Variants in LATS1 observed in about 807,000 individuals in gnomAD.
The protein encoded by LATS1 is serine/threonine-protein kinase LATS1.
LATS1 carries 25 observed loss-of-function variants against 106.6 expected under a neutral mutation model. The observed-to-expected ratio is 0.23, with a 90% CI of 0.17 to 0.33. The LOEUF (loss-of-function observed/expected upper bound fraction) is 0.33, where lower values mean the gene tolerates loss of function less well. Ranked by LOEUF, LATS1 falls within the 10% of genes least tolerant of loss-of-function variation. LATS1 has a pLI of 1.00. For missense variants in LATS1, 1,040 were observed against 1,382.6 expected, an observed-to-expected ratio of 0.75 and a Z score of 3.93; for synonymous variants, 465 against 455.6, an observed-to-expected ratio of 1.02 and a Z score of -0.26.
intron 1 of LATS1, among the ~76,000 whole-genome samples, chr6:149,712,803 G>A (rs1250455296): frequency 6.6e-6 from 1 of 152,102 alleles, no homozygotes; most frequent in Non-Finnish European, 1.5e-5. Flanking sequence ...AGACTAGCCT[G>A]GGAAACAAAG....
intron 1 of LATS1, among the ~76,000 whole-genome samples, chr6:149,712,894 C>T (rs1784183805): frequency 6.6e-6 from 1 of 152,028 alleles, no homozygotes; most frequent in South Asian, 2.1e-4. Flanking sequence ...ACTGGAGAGA[C>T]TGAGGTGGGT....
rs200262448 is a variant in LATS1 at position 149,699,020 on chromosome 6, G to T, written c.348+2759C>A. On this transcript the variant is annotated intron_variant, in intron 2 of 7. Transcript: ENST00000543571. Reference sequence around the variant, plus strand: ...TGAGAAAATTAATCTTGAAATATTTGAGCTTTTCATTTTACAGGGTCACCA... The same window carrying T: ...TGAGAAAATTAATCTTGAAATATTTTAGCTTTTCATTTTACAGGGTCACCA... Among the ~76,000 whole-genome samples, 10 of 150,714 alleles carry T rather than the reference G, an allele frequency of 6.6e-5. No individual in the cohort carries two copies. In the East Asian group the frequency reaches 2.0e-3, roughly 29 times the overall value.
chr6:149,662,523 C>T (rs563419336), intron 7 of LATS1, among the ~76,000 whole-genome samples: 1 of 152,186 alleles, frequency 6.6e-6, no homozygotes, highest in African/African-American at 2.4e-5. Flanking sequence ...TTATTTCTAT[C>T]ATATTTCTAA....
At chr6:149,696,231 G>C (rs1258374423) in intron 2 of LATS1, among the ~76,000 whole-genome samples, 1 of 149,518 alleles carries the variant, frequency 6.7e-6, no homozygotes, top group Non-Finnish European at 1.5e-5. Context: ...TAAACAATCA[G>C]AGACTATCAG....
At chr6:149,715,328 C>T (rs779772645) in intron 1 of LATS1, among the ~76,000 whole-genome samples, 28 of 152,168 alleles carry the variant, frequency 1.8e-4, no homozygotes, top group Non-Finnish European at 3.4e-4. Flanking sequence ...CTTGGCCTCC[C>T]AAAGTGCTGG....
In LATS1 at chr6:149,661,014, GA is replaced by G. The variant is rs1195848896; in HGVS notation, c.*714del. 1.5e-5 allele frequency: 3 copies of G among 203,262 alleles called. No homozygotes were observed. Among genetic ancestry groups the G allele is most frequent in the Non-Finnish European group, 2.9e-5 (3 of 102,652 alleles). 12.6% of individuals were successfully genotyped at this position (203,262 alleles called of 1,614,324 possible). On this transcript the variant is annotated 3_prime_UTR_variant, in exon 8 of 8. Coordinates refer to ENST00000543571, the MANE Select transcript of LATS1 (RefSeq NM_004690.4). ...AAGCAGCATCAAAAATACCAATATG[GA>G]AAAAAAGCTAGTAGTGCTTTGGCTT...
chr6:149,687,844 A>G lies in LATS1; in HGVS notation c.497-3252T>C, dbSNP rs1294429147. On this transcript the variant is annotated intron_variant, in intron 3 of 7. Coordinates refer to ENST00000543571, the MANE Select transcript of LATS1 (RefSeq NM_004690.4). ...TTGGCCTCCAAAGTGCTGGGATTAC[A>G]GGCGTGAGCCACCGTACTTGACCCT... Among the ~76,000 whole-genome samples, 3 of 150,602 alleles carry G rather than the reference A, an allele frequency of 2.0e-5. No individual in the cohort carries two copies. In the South Asian group the frequency reaches 6.3e-4, roughly 31 times the overall value.
chr6:149,693,909 G>A (rs532543464), intron 3 of LATS1, among the ~76,000 whole-genome samples: 1 of 152,118 alleles, frequency 6.6e-6, no homozygotes, highest in South Asian at 2.1e-4. Context: ...GGCCAACATG[G>A]TGAAACCCCG....
intron 7 of LATS1, among the ~76,000 whole-genome samples, chr6:149,666,427 C>A (rs1294463776): frequency 1.3e-5 from 2 of 150,860 alleles, no homozygotes; most frequent in African/African-American, 4.9e-5. Flanking sequence ...ATCAGCCTGG[C>A]CAATGCGGTG....
At chr6:149,685,640 C>A (rs1562336217) in intron 3 of LATS1, among the ~76,000 whole-genome samples, 1 of 152,172 alleles carries the variant, frequency 6.6e-6, no homozygotes, top group African/African-American at 2.4e-5. Context: ...CCCTCCTAAG[C>A]CTTCCAAAGT....
rs1782194520 is a variant in LATS1, at chr6:149,683,775, A to T, written c.1314T>A (p.Ser438=). 6.2e-7 allele frequency: 1 copy of T among 1,613,764 alleles called. No individual in the cohort carries two copies. Among genetic ancestry groups the T allele is most frequent in the African/African-American group, 1.3e-5 (1 of 74,950 alleles). ...TGCTCGGGGATGACTGGGCTGGAGC[A>T]GAAGATGACTGAGGCCAATTTGTTT... ...GLQTNWPQSS[S]APAQSSPSSG... is the part of the protein sequence containing the mutation. Residue 438 remains serine, a synonymous_variant, in exon 4 of 8, where the codon TCT becomes TCA. Transcript: ENST00000543571.
Position 149,684,000 on chromosome 6 carries a change from G to A in LATS1, c.1089C>T (p.Val363=), listed in dbSNP as rs545538701. The part of the protein sequence containing the change: ...QTDFMIHQNV[V]PAGTVNRQPP... ...GCTGCCGATTCACAGTGCCAGCAGGGACAACATTTTGGTGTATCATGAAAT... is the reference window on the plus strand; with the variant it reads ...GCTGCCGATTCACAGTGCCAGCAGGAACAACATTTTGGTGTATCATGAAAT... Residue 363 remains valine (V), a synonymous_variant, in exon 4 of 8, where the codon GTC becomes GTT. Transcript: ENST00000543571. The A allele has an allele frequency of 9.9e-6, 16 of 1,613,964 alleles. No individual in the cohort carries two copies. The Admixed American group carries it at 2.5e-4, about 25-fold the overall frequency.
At chr6:149,713,536 T>C (rs540710878) in intron 1 of LATS1, among the ~76,000 whole-genome samples, 2 of 152,278 alleles carry the variant, frequency 1.3e-5, no homozygotes, top group South Asian at 4.1e-4. Flanking sequence ...CCTCGGGTGA[T>C]CCACCCGCCT....
chr6:149,712,911 A>G (rs139078433), intron 1 of LATS1, among the ~76,000 whole-genome samples: 294 of 152,142 alleles, frequency 1.9e-3, no homozygotes, highest in African/African-American at 6.9e-3. Context: ...GGGTGGATCA[A>G]TTGAGCCCAG....
rs570356249 is a variant in LATS1, at chr6:149,671,337, T to C, written c.2883+4923A>G. 1.8e-4 allele frequency among the ~76,000 whole-genome samples: 28 copies of C among 152,096 alleles called. 1 individual carries two copies. The South Asian group carries it at 5.8e-3, about 32-fold the overall frequency. On this transcript the variant is annotated intron_variant, in intron 7 of 7. Coordinates refer to ENST00000543571, the MANE Select transcript of LATS1 (RefSeq NM_004690.4). ...TTAGCAGAGACGGGGTTTCGCCATG[T>C]TGACTAGGCTGGTCTCAAACCCCTA...
At chr6:149,713,677 GAGA>G (rs1033239953) in intron 1 of LATS1, among the ~76,000 whole-genome samples, 4 of 149,930 alleles carry the variant, frequency 2.7e-5, no homozygotes, top group Non-Finnish European at 4.4e-5. Flanking sequence ...TTGTTTTTTT[GAGA>G]AGGAGTTTCT....
intron 1 of LATS1, chr6:149,716,312 A>G (rs1784392030): frequency 6.6e-6 from 1 of 152,210 alleles, no homozygotes; most frequent in Non-Finnish European, 1.5e-5. Context: ...CAACATAGCG[A>G]GTTCCCATCT....
At chr6:149,698,529 A>G (rs1290340722) in intron 2 of LATS1, among the ~76,000 whole-genome samples, 2 of 150,876 alleles carry the variant, frequency 1.3e-5, no homozygotes, top group African/African-American at 4.9e-5. Flanking sequence ...TACAAGAGTG[A>G]ACCATCACAC....
At position 149,684,171 on chromosome 6, in the gene LATS1, G is replaced by A. The variant is rs1247204676; in HGVS notation, c.918C>T (p.Asn306=). The change falls in exon 4 of 8, where the codon AAC becomes AAT. Residue 306 remains asparagine, a synonymous_variant. Coordinates refer to ENST00000543571, the MANE Select transcript of LATS1 (RefSeq NM_004690.4). ...WQEGYPPPPL[N]TSPMNPPNQG... is the part of the protein sequence containing the mutation. ...GATTAGGAGGATTCATGGGGGAAGT[G>A]TTGAGAGGTGGTGGAGGATAGCCCT... 2 of 1,614,102 alleles carry A rather than the reference G, an allele frequency of 1.2e-6. No individual in the cohort carries two copies. Among genetic ancestry groups the A allele is most frequent in the Non-Finnish European group, 1.7e-6 (2 of 1,180,056 alleles).
Sources: allele counts gnomAD v4.1 joint callset (sites outside exome capture counted in the v4.1 genomes callset), GRCh38; gene constraint gnomAD v4.1.1; transcripts MANE v1.5; gene names NCBI Gene and HGNC (gene_info 2026-07-23, HGNC 2026-07-21).